Variants in DNAJC8 observed in about 807,000 individuals in gnomAD.
The protein encoded by DNAJC8 is dnaJ homolog subfamily C member 8.
Under a neutral mutation model 43.2 loss-of-function variants are expected in DNAJC8, and 24 were observed. The ratio of observed to expected loss-of-function variants is 0.56; its 90% CI spans 0.40 to 0.78. The LOEUF is 0.78. Among genes scored for constraint, DNAJC8 ranks in the 30% least tolerant of loss-of-function variants. The pLI is 0.00. For missense variants in DNAJC8, 207 were observed against 299.4 expected (o/e 0.69, Z 2.28); for synonymous variants, 83 against 98.0 (o/e 0.85, Z 0.90).
chr1:28,219,047 G>A lies in DNAJC8; in HGVS notation c.181-4051C>T, dbSNP rs565028597. Among the ~76,000 whole-genome samples the A allele has an allele frequency of 3.9e-5, 6 of 152,252 alleles. No homozygotes were observed. In the East Asian group the frequency reaches 7.7e-4, roughly 20 times the overall value. ...TCCCACCCTCACAAAAAAAGCCTCT[G>A]ATAAGATTATAGCTTACAACTAATC... On this transcript the variant is annotated intron_variant, in intron 2 of 8. Transcript: ENST00000263697.
intron 2 of DNAJC8, among the ~76,000 whole-genome samples, chr1:28,224,308 C>A (rs1168098685): frequency 6.6e-5 from 10 of 152,134 alleles, no homozygotes; most frequent in Admixed American, 6.6e-4. Context: ...CACTCTGTCG[C>A]CCAGGCTGGA....
At chr1:28,221,347 G>T (rs1646897099) in intron 2 of DNAJC8, among the ~76,000 whole-genome samples, 1 of 151,684 alleles carries the variant, frequency 6.6e-6, no homozygotes, top group African/African-American at 2.4e-5. Context: ...CTCAAAAAGG[G>T]AAAAAGAGAA....
At chr1:28,225,883 T>G (rs1646930906) in intron 2 of DNAJC8, among the ~76,000 whole-genome samples, 3 of 150,524 alleles carry the variant, frequency 2.0e-5, no homozygotes. Flanking sequence ...TGTATTATTT[T>G]TGTGGAGATG....
Position 28,204,635 on chromosome 1 carries a change from C to G in DNAJC8, c.563+623G>C, listed in dbSNP as rs1473989393. 2.0e-5 allele frequency among the ~76,000 whole-genome samples: 3 copies of G among 152,116 alleles called. No individual in the cohort carries two copies. In the South Asian group the frequency reaches 6.2e-4, roughly 32 times the overall value. The stretch of plus-strand genomic sequence containing the variant: ...ACTCACCAAAGCTGTAGCCACTAGC[C>G]CCACAAAAGGTTCTGGCTTCAGTAA... On this transcript the variant is annotated intron_variant, in intron 7 of 8. Coordinates refer to ENST00000263697, the MANE Select transcript of DNAJC8 (RefSeq NM_014280.3).
At chr1:28,229,736 T>TGGACTCCAGCCTGGGAGACACAGCG (rs1346854103) in intron 1 of DNAJC8, among the ~76,000 whole-genome samples, 1 of 149,008 alleles carries the variant, frequency 6.7e-6, no homozygotes, top group African/African-American at 2.5e-5. Context: ...ATCGCGCCAC[T>TGGACTCCAGCCTGGGAGACACAGCG]GGACTCCAGC....
chr1:28,212,200 T>A (rs1321025281), intron 3 of DNAJC8, among the ~76,000 whole-genome samples: 12 of 120,182 alleles, frequency 1.0e-4, no homozygotes, highest in African/African-American at 2.8e-4. Context: ...TATATATATA[T>A]ATATATATAT....
chr1:28,224,583 T>C (rs892299952), intron 2 of DNAJC8, among the ~76,000 whole-genome samples: 14 of 150,002 alleles, frequency 9.3e-5, no homozygotes, highest in African/African-American at 3.4e-4. Flanking sequence ...GACCCCATCT[T>C]ACAAAACAAA....
At chr1:28,219,143 G>A (rs917126573) in intron 2 of DNAJC8, among the ~76,000 whole-genome samples, 5 of 152,090 alleles carry the variant, frequency 3.3e-5, no homozygotes, top group African/African-American at 1.2e-4. Context: ...TGTATTTGGG[G>A]ATTACAACAT....
chr1:28,210,818 T>C (rs1646805432), intron 3 of DNAJC8, among the ~76,000 whole-genome samples, 181 bp from the exon 4 acceptor site: 1 of 152,174 alleles, frequency 6.6e-6, no homozygotes, highest in Admixed American at 6.5e-5. Context: ...TTAACAAAAT[T>C]CAAGCACCAA....
intron 3 of DNAJC8, 130 bp downstream of exon 3, chr1:28,214,808 CAA>C (rs1181441865): frequency 3.6e-6 from 2 of 559,754 alleles, no homozygotes; most frequent in African/African-American, 3.8e-5. Flanking sequence ...CTTTTTTTTA[CAA>C]AACAGTTACA....
chr1:28,203,599 G>T lies in DNAJC8; in HGVS notation c.639+148C>A, dbSNP rs540682214. The T allele has an allele frequency of 8.1e-5, 61 of 750,594 alleles. No individual in the cohort carries two copies. The East Asian group carries it at 1.6e-3, about 20-fold the overall frequency. The allele number at this position is 750,594 out of a possible 1,614,324, so 46.5% of individuals were successfully genotyped here. On this transcript the variant is annotated intron_variant, in intron 8 of 8. Transcript: ENST00000263697. ...AAGGCTACAGAGCTTACAGGAGGCT[G>T]AGGCAGGCCCAGCCTCATTCTTCAC... is the stretch of plus-strand genomic sequence containing the variant.
In DNAJC8 at chr1:28,208,192, G is replaced by A. The variant is rs1001412530; in HGVS notation, c.471+150C>T. On this transcript the variant is annotated intron_variant, in intron 6 of 8. Coordinates refer to ENST00000263697, the MANE Select transcript of DNAJC8 (RefSeq NM_014280.3). ...TTGCCCTCCAGCCTGGGCAACAAGAGTGAAACTCAGTCTCAAAAATAATAA... is the reference window on the plus strand; with the variant it reads ...TTGCCCTCCAGCCTGGGCAACAAGAATGAAACTCAGTCTCAAAAATAATAA... The A allele has an allele frequency of 2.4e-5, 13 of 535,888 alleles. No individual in the cohort carries two copies. In the African/African-American group the frequency reaches 2.6e-4, roughly 11 times the overall value. The allele number at this position is 535,888 out of a possible 1,614,324, so 33.2% of individuals were successfully genotyped here. A position where few individuals can be genotyped will look rare whatever the true frequency, so the allele number is the denominator to read the frequency against.
intron 6 of DNAJC8, among the ~76,000 whole-genome samples, chr1:28,205,625 C>A (rs1323099989): frequency 6.6e-6 from 1 of 152,204 alleles, no homozygotes; most frequent in Non-Finnish European, 1.5e-5. Context: ...CAGTAGCTCA[C>A]ACCTGTAATC....
intron 1 of DNAJC8, 71 bp downstream of exon 1, chr1:28,232,850 G>T: frequency 6.5e-7 from 1 of 1,546,794 alleles, no homozygotes; most frequent in Non-Finnish European, 8.9e-7. Flanking sequence ...GGCGGCCACT[G>T]CCTTTGTCCA....
intron 1 of DNAJC8, among the ~76,000 whole-genome samples, chr1:28,232,614 G>C (rs1646987090): frequency 1.3e-5 from 2 of 152,184 alleles, no homozygotes; most frequent in African/African-American, 2.4e-5. Flanking sequence ...TCCCAGGAAG[G>C]GCCCAGCCTC....
intron 2 of DNAJC8, among the ~76,000 whole-genome samples, chr1:28,219,236 T>TGGC (rs1318527954): frequency 6.6e-6 from 1 of 150,666 alleles, no homozygotes; most frequent in Non-Finnish European, 1.5e-5. Flanking sequence ...TGGCCAGGTG[T>TGGC]GGCGGCTCAC....
Position 28,200,466 on chromosome 1 carries a change from C to T in DNAJC8, c.*782G>A, listed in dbSNP as rs762439287. On this transcript the variant is annotated 3_prime_UTR_variant, in exon 9 of 9. Transcript: ENST00000263697. ...ATAGATGAAGAAACTAAGGTTCAGCCAGGTCTGTCCAACCCCAAAGCATTT... is the reference window on the plus strand; with the variant it reads ...ATAGATGAAGAAACTAAGGTTCAGCTAGGTCTGTCCAACCCCAAAGCATTT... The T allele has an allele frequency of 2.2e-6, 1 of 456,342 alleles. No individual in the cohort carries two copies. The highest frequency in any genetic ancestry group is 1.5e-5 in the South Asian group (1 of 64,550). The allele number at this position is 456,342 out of a possible 1,614,324, so 28.3% of individuals were successfully genotyped here.
At chr1:28,203,724 C>A (rs1375906868) in intron 8 of DNAJC8, 23 bp downstream of exon 8, 24 of 1,613,362 alleles carry the variant, frequency 1.5e-5, no homozygotes, top group Non-Finnish European at 2.0e-5. Context: ...GAATTAGAAT[C>A]CCTGGCCACC....
chr1:28,232,899 C>T, intron 1 of DNAJC8, 22 bp downstream of exon 1: 1 of 1,611,608 alleles, frequency 6.2e-7, no homozygotes, highest in Non-Finnish European at 8.5e-7. Flanking sequence ...CCCGGTGCCA[C>T]TACTCCTCAC....
Sources: allele counts gnomAD v4.1 joint callset (sites outside exome capture counted in the v4.1 genomes callset), GRCh38; gene constraint gnomAD v4.1.1; transcripts MANE v1.5; gene names NCBI Gene and HGNC (gene_info 2026-07-23, HGNC 2026-07-21).